Variants in MUC5AC observed in about 807,000 individuals in gnomAD.
MUC5AC encodes mucin 5AC, oligomeric mucus/gel-forming, also known as mucin-5AC.
Under a neutral mutation model 169.7 loss-of-function variants are expected in MUC5AC, and 158 were observed. The ratio of observed to expected loss-of-function variants is 0.93; its 90% CI spans 0.82 to 1.06. The LOEUF (loss-of-function observed/expected upper bound fraction) is 1.06. Among genes scored for constraint, MUC5AC ranks in the 50% least tolerant of loss-of-function variants. The pLI is 0.00. For missense variants in MUC5AC, 4,359 were observed against 3,089.9 expected, an observed-to-expected ratio of 1.41 and a Z score of -9.74; for synonymous variants, 1,975 against 1,237.0, an observed-to-expected ratio of 1.60 and a Z score of -12.52.
chr11:1,182,632 C>T lies in MUC5AC; in HGVS notation c.4487C>T (p.Ser1496Phe). The T allele has an allele frequency of 2.5e-6, 1 of 399,312 alleles. No individual in the cohort carries two copies. Among genetic ancestry groups the T allele is most frequent in the South Asian group, 1.3e-4 (1 of 7,860 alleles). 24.7% of individuals were successfully genotyped at this position (399,312 alleles called of 1,614,324 possible). ...GCCCAGACCACTCCTCCAACTACCTCCAAGACCACTGAAACCCGGGCCTCA... is the reference window on the plus strand; with the variant it reads ...GCCCAGACCACTCCTCCAACTACCTTCAAGACCACTGAAACCCGGGCCTCA... ...SPAQTTPPTT[S>F]KTTETRASGS... Residue 1496 changes from serine (S) to phenylalanine (F), a missense_variant, in exon 31 of 49, where the codon TCC becomes TTC. Coordinates refer to ENST00000621226, the MANE Select transcript of MUC5AC (RefSeq NM_001304359.2).
chr11:1,168,775 C>A lies in MUC5AC; in HGVS notation c.1701C>A (p.Thr567=), dbSNP rs769212082. 12 of 1,599,254 alleles carry A rather than the reference C, an allele frequency of 7.5e-6. No individual in the cohort carries two copies. In the South Asian group the frequency reaches 1.0e-4, roughly 13 times the overall value. The change falls in exon 14 of 49, where the codon ACC becomes ACA. Residue 567 remains threonine, a synonymous_variant. Transcript: ENST00000621226. ...MQLAPKLRGQ[T]CGLCGNFNSI... Reference sequence around the variant, plus strand: ...TGGCGCCCAAGCTCCGTGGGCAGACCTGCGGTAAGAGGGCTGCCTTCTGGG... The same window carrying A: ...TGGCGCCCAAGCTCCGTGGGCAGACATGCGGTAAGAGGGCTGCCTTCTGGG...
Position 1,179,241 on chromosome 11 carries a change from C to G in MUC5AC, c.3477C>G (p.Ser1159Arg). Residue 1159 changes from serine to arginine, a missense_variant, in exon 26 of 49, where the codon AGC becomes AGG. By Grantham distance (110) the Ser-to-Arg change is moderately radical (BLOSUM62 -1). Coordinates refer to ENST00000621226, the MANE Select transcript of MUC5AC (RefSeq NM_001304359.2). The stretch of plus-strand genomic sequence containing the variant: ...TGTGTGTGTCCTGGCGGACCCCGAG[C>G]ATCTGCCGTGAGTGCGAGTGGGCAC... ...VGLCVSWRTP[S>R]ICPLFCDYYN... 1 of 588,986 alleles carries G rather than the reference C, an allele frequency of 1.7e-6. No homozygotes were observed. The allele number at this position is 588,986 out of a possible 1,614,324, so 36.5% of individuals were successfully genotyped here.
At chr11:1,170,099 TCAC>T in intron 15 of MUC5AC, among the ~76,000 whole-genome samples, 1 of 108,128 alleles carries the variant, frequency 9.2e-6, no homozygotes, top group African/African-American at 3.7e-5. Flanking sequence ...CTCACCTCAC[TCAC>T]TCACCCACTC....
At chr11:1,163,211 A>C (rs1229358053) in intron 6 of MUC5AC, among the ~76,000 whole-genome samples, 166 bp downstream of exon 6, 1 of 152,228 alleles carries the variant, frequency 6.6e-6, no homozygotes, top group Non-Finnish European at 1.5e-5. Context: ...CGATCCCGCA[A>C]CGCCGGCCTG....
In MUC5AC at chr11:1,178,599, C is replaced by T; in HGVS notation, c.3243C>T (p.Cys1081=). The change falls in exon 25 of 49, where the codon TGC becomes TGT. Residue 1081 remains cysteine (C), a synonymous_variant. Coordinates refer to ENST00000621226, the MANE Select transcript of MUC5AC (RefSeq NM_001304359.2). ...CPDALAPKDP[C]TANPFRKSWA... ...ATGCCCTGGCGCCCAAGGACCCCTG[C>T]ACGGCCAACCCCTTCCGCAAGTCCT... 7.1e-7 allele frequency: 1 copy of T among 1,413,104 alleles called. No individual in the cohort carries two copies. The highest frequency in any genetic ancestry group is 9.3e-7 in the Non-Finnish European group (1 of 1,071,756). The allele number at this position is 1,413,104 out of a possible 1,614,324, so 87.5% of individuals were successfully genotyped here. A position where few individuals can be genotyped will look rare whatever the true frequency, so the allele number is the denominator to read the frequency against.
chr11:1,178,699 G>T lies in MUC5AC; in HGVS notation c.3327+16G>T. 1 of 1,248,908 alleles carries T rather than the reference G, an allele frequency of 8.0e-7. No individual in the cohort carries two copies. Among genetic ancestry groups the T allele is most frequent in the Non-Finnish European group, 1.0e-6 (1 of 979,342 alleles). The allele number at this position is 1,248,908 out of a possible 1,614,324, so 77.4% of individuals were successfully genotyped here. ...CCACGCACACGTATGCTGGCCGGGG[G>T]GCGTTTCTCTGGGCCCAAGGGGGTC... On this transcript the variant is annotated intron_variant, in intron 25 of 48. Transcript: ENST00000621226.
At chr11:1,178,225 C>T (rs1014802228) in intron 24 of MUC5AC, among the ~76,000 whole-genome samples, 5 of 152,216 alleles carry the variant, frequency 3.3e-5, no homozygotes, top group African/African-American at 7.2e-5. Context: ...CCTCTGGCTC[C>T]GGCCCTCGGT....
At chr11:1,176,107 G>A (rs1054344466) in intron 19 of MUC5AC, 44 bp from the exon 20 acceptor site, 4 of 355,078 alleles carry the variant, frequency 1.1e-5, no homozygotes, top group East Asian at 3.8e-5. Flanking sequence ...TTGAGGCACC[G>A]CAGCAGCCTG....
intron 5 of MUC5AC, 21 bp downstream of exon 5, chr11:1,162,667 C>A: frequency 6.2e-7 from 1 of 1,604,748 alleles, no homozygotes; most frequent in Non-Finnish European, 8.5e-7. Context: ...GTGGGGGTGT[C>A]CCGGTGTGCA....
At position 1,190,175 on chromosome 11, in the gene MUC5AC, G is replaced by A. The variant is rs1326603869; in HGVS notation, c.12030G>A (p.Val4010=). 2 of 764,610 alleles carry A rather than the reference G, an allele frequency of 2.6e-6. No individual in the cohort carries two copies. The highest frequency in any genetic ancestry group is 4.9e-5 in the East Asian group (2 of 41,236). 47.4% of individuals were successfully genotyped at this position (764,610 alleles called of 1,614,324 possible). ...LQCRAESHPE[V]SIEHLGQVVQ... is the part of the protein sequence containing the mutation. ...GCCGAGCCGAGAGCCACCCGGAGGT[G>A]AGCATCGAACACCTGGGCCAGGTGG... Residue 4010 remains valine (V), a synonymous_variant, in exon 31 of 49, where the codon GTG becomes GTA. Coordinates refer to ENST00000621226, the MANE Select transcript of MUC5AC (RefSeq NM_001304359.2).
In MUC5AC at chr11:1,191,553, A is replaced by G; in HGVS notation, c.13408A>G (p.Ile4470Val). ...TACAACCAGCACAACCTCTGCTCCT[A>G]TAACCAGCATGACCTCTGGTCCTGG... ...LPTTSTTSAP[I>V]TSMTSGPGTT... Residue 4470 changes from isoleucine (I) to valine (V), a missense_variant, in exon 31 of 49, where the codon ATA (isoleucine) becomes GTA (valine). Ile to Val is a conservative substitution (Grantham distance 29). Coordinates refer to ENST00000621226, the MANE Select transcript of MUC5AC (RefSeq NM_001304359.2). The G allele has an allele frequency of 1.6e-6, 1 of 645,028 alleles. No homozygotes were observed. The allele number at this position is 645,028 out of a possible 1,614,324, so 40.0% of individuals were successfully genotyped here.
chr11:1,171,847 CCACTCACCCATTCACT>C (rs1860554469), intron 15 of MUC5AC, among the ~76,000 whole-genome samples: 1 of 146,170 alleles, frequency 6.8e-6, no homozygotes, highest in Non-Finnish European at 1.5e-5. Flanking sequence ...ACTCACTCAC[CCACTCACCCATTCACT>C]CACTCACCCA....
chr11:1,159,692 CGGGGCTGTGT>C lies in MUC5AC; in HGVS notation c.74-900_74-891del, dbSNP rs1326667470. Among the ~76,000 whole-genome samples the C allele has an allele frequency of 5.7e-4, 60 of 105,486 alleles. 2 individuals carry two copies. Among genetic ancestry groups the C allele is most frequent in the South Asian group, 1.4e-3 (4 of 2,944 alleles). 69.2% of individuals were successfully genotyped at this position (105,486 alleles called of 152,430 possible). ...CTGGCCCCACCATGCTGGTTCTGTG[CGGGGCTGTGT>C]GGGGCTGTGTGGGGCTGTGCGGGGC... On this transcript the variant is annotated intron_variant, in intron 1 of 48. Transcript: ENST00000621226.
At chr11:1,171,517 TCAC>T (rs1860535506) in intron 15 of MUC5AC, among the ~76,000 whole-genome samples, 1 of 112,786 alleles carries the variant, frequency 8.9e-6, no homozygotes. Context: ...ATTCACCCAC[TCAC>T]TCACCCACTC....
intron 3 of MUC5AC, 100 bp from the exon 4 acceptor site, chr11:1,161,807 G>C (rs1013503672): frequency 4.7e-6 from 7 of 1,486,628 alleles, no homozygotes; most frequent in Non-Finnish European, 6.3e-6. Flanking sequence ...AGCACTTCCT[G>C]CAGGACCCTG....
intron 26 of MUC5AC, 134 bp downstream of exon 26, chr11:1,179,382 G>GCTCT (rs1860759423): frequency 2.1e-5 from 10 of 471,656 alleles, no homozygotes; most frequent in Non-Finnish European, 3.8e-5. Context: ...CCTGGGCCCA[G>GCTCT]AGAGGAGGGC....
rs1861229900 is a variant in MUC5AC at position 1,195,091 on chromosome 11, C to A, written c.15270C>A (p.Gly5090=). 1.3e-6 allele frequency: 1 copy of A among 762,346 alleles called. No homozygotes were observed. The highest frequency in any genetic ancestry group is 2.4e-6 in the Non-Finnish European group (1 of 416,914). 47.2% of individuals were successfully genotyped at this position (762,346 alleles called of 1,614,324 possible). ...TVVASCSEMS[G]LWNVSIPDQP... ...TCGCTTCCTGCTCCGAGATGTCCGGCCTCTGGAACGTGAGCATACCCGACC... is the reference window on the plus strand; with the variant it reads ...TCGCTTCCTGCTCCGAGATGTCCGGACTCTGGAACGTGAGCATACCCGACC... The change falls in exon 36 of 49, where the codon GGC becomes GGA. Residue 5090 remains glycine, a synonymous_variant. Coordinates refer to ENST00000621226, the MANE Select transcript of MUC5AC (RefSeq NM_001304359.2).
chr11:1,200,280 C>T (rs1200180823), intron 48 of MUC5AC, among the ~76,000 whole-genome samples, 158 bp from the exon 49 acceptor site: 1 of 152,228 alleles, frequency 6.6e-6, no homozygotes, highest in Non-Finnish European at 1.5e-5. Flanking sequence ...CTGTTGGCGC[C>T]TGGGGAACTG....
chr11:1,191,644 C>A lies in MUC5AC; in HGVS notation c.13499C>A (p.Ala4500Asp). 2.8e-6 allele frequency: 1 copy of A among 361,298 alleles called. No individual in the cohort carries two copies. Among genetic ancestry groups the A allele is most frequent in the East Asian group, 4.9e-5 (1 of 20,536 alleles). The allele number at this position is 361,298 out of a possible 1,614,324, so 22.4% of individuals were successfully genotyped here. The change falls in exon 31 of 49, where the codon GCC (alanine) becomes GAC (aspartate). Residue 4500 changes from alanine (A) to aspartate (D), a missense_variant. Ala to Asp is a moderately radical substitution (Grantham distance 126). Transcript: ENST00000621226. ...GCTCCTACAACCAGCACAACCTCTG[C>A]CTCTACAGCCAGCACAACCTCTGGT... The part of the protein sequence containing the change: ...TSAPTTSTTS[A>D]STASTTSGPG...
Sources: gnomAD v4.1 joint callset for allele counts (sites outside exome capture counted in the v4.1 genomes callset) on GRCh38, gnomAD v4.1.1 for gene constraint, MANE v1.5 for transcripts, NCBI Gene and HGNC (gene_info 2026-07-23, HGNC 2026-07-21) for gene names.